Variants in PRKN observed in about 807,000 individuals in gnomAD.
PRKN encodes the protein parkin RBR E3 ubiquitin protein ligase.
A neutral mutation model predicts 59.5 loss-of-function variants in PRKN; 56 were observed. The observed-to-expected ratio is 0.94, with a 90% CI of 0.76 to 1.18. PRKN has a LOEUF of 1.18. Ranked by LOEUF, PRKN falls within the 50% of genes most tolerant of loss-of-function variation. The probability of loss-of-function intolerance (pLI) is 0.00; values close to 1 mark genes in which losing one functional copy is unlikely to be tolerated. For missense variants in PRKN, 657 were observed against 596.4 expected, an observed-to-expected ratio of 1.10 and a Z score of -1.06; for synonymous variants, 250 against 222.1, an observed-to-expected ratio of 1.13 and a Z score of -1.12.
intron 3 of PRKN, among the ~76,000 whole-genome samples, chr6:162,234,633 C>G (rs1053876301): frequency 2.0e-5 from 3 of 152,098 alleles, no homozygotes; most frequent in African/African-American, 7.2e-5. Context: ...AAGGTAAGAG[C>G]TGTGCTAATA....
chr6:162,150,277 G>A (rs1335248194), intron 4 of PRKN, among the ~76,000 whole-genome samples: 1 of 152,184 alleles, frequency 6.6e-6, no homozygotes, highest in East Asian at 1.9e-4. Context: ...ATGGACATAT[G>A]TATCCTAAGA....
chr6:162,254,785 G>A (rs954846742), intron 3 of PRKN, among the ~76,000 whole-genome samples: 1 of 151,994 alleles, frequency 6.6e-6, no homozygotes, highest in Non-Finnish European at 1.5e-5. Flanking sequence ...CACACTCATC[G>A]CCAAAGGGTC....
chr6:162,633,261 C>T (rs146167165), intron 1 of PRKN, among the ~76,000 whole-genome samples: 2,261 of 151,452 alleles, frequency 0.015, 38 homozygotes, highest in Middle Eastern at 0.024. Context: ...TGGTGAAACC[C>T]CATCTCTACT....
intron 7 of PRKN, among the ~76,000 whole-genome samples, chr6:161,598,276 T>C (rs930213108): frequency 1.3e-5 from 2 of 152,178 alleles, no homozygotes; most frequent in African/African-American, 4.8e-5. Context: ...TAGAAACAGA[T>C]GTATACACGA....
chr6:162,022,863 C>T (rs577236427), intron 5 of PRKN, among the ~76,000 whole-genome samples: 37 of 152,244 alleles, frequency 2.4e-4, no homozygotes, highest in African/African-American at 7.2e-4. Context: ...TCCAGTTTCA[C>T]TTATCTGCAT....
chr6:162,579,407 C>G (rs918669267), intron 1 of PRKN, among the ~76,000 whole-genome samples: 1 of 150,428 alleles, frequency 6.6e-6, no homozygotes, highest in Non-Finnish European at 1.5e-5. Context: ...CTACATGCAA[C>G]AAGTTCATGC....
At chr6:162,067,411 G>T (rs1309415212) in intron 4 of PRKN, among the ~76,000 whole-genome samples, 1 of 152,140 alleles carries the variant, frequency 6.6e-6, no homozygotes, top group Non-Finnish European at 1.5e-5. Context: ...TTACATACAT[G>T]AGGATGTTGA....
At position 162,518,468 on chromosome 6, in the gene PRKN, T is replaced by C. The variant is rs111881625; in HGVS notation, c.8-74995A>G. On this transcript the variant is annotated intron_variant, in intron 1 of 11. Coordinates refer to ENST00000366898, the MANE Select transcript of PRKN (RefSeq NM_004562.3). ...GCAACCTCTGCCTCCCAGGTTCAAG[T>C]GATTCTCGTGCCTCAGCCTCCTGAG... Among the ~76,000 whole-genome samples, 869 of 152,246 alleles carry C rather than the reference T, an allele frequency of 5.7e-3. 9 individuals carry two copies. The highest frequency in any genetic ancestry group is 8.4e-3 in the Non-Finnish European group (572 of 68,012).
intron 5 of PRKN, among the ~76,000 whole-genome samples, chr6:162,052,618 G>A (rs145138244): frequency 2.6e-5 from 4 of 152,236 alleles, no homozygotes; most frequent in Non-Finnish European, 5.9e-5. Flanking sequence ...ACTCATGACT[G>A]ACTACATTAA....
chr6:162,269,000 A>G (rs1377661767), intron 2 of PRKN, among the ~76,000 whole-genome samples: 4 of 116,524 alleles, frequency 3.4e-5, no homozygotes, highest in Non-Finnish European at 6.4e-5. Flanking sequence ...GAGGAAACAA[A>G]ACAAAACAAA....
intron 4 of PRKN, among the ~76,000 whole-genome samples, chr6:162,179,735 T>G (rs940136473): frequency 6.6e-6 from 1 of 152,140 alleles, no homozygotes; most frequent in African/African-American, 2.4e-5. Flanking sequence ...ACCACCTACT[T>G]AGTTCCCTAG....
At chr6:162,304,585 GTCTA>G (rs1362003459) in intron 2 of PRKN, among the ~76,000 whole-genome samples, 1 of 149,340 alleles carries the variant, frequency 6.7e-6, no homozygotes, top group East Asian at 1.9e-4. Context: ...CCATCTACCT[GTCTA>G]TCTATCTATA....
chr6:161,907,512 A>T (rs1368278628), intron 6 of PRKN, among the ~76,000 whole-genome samples: 1 of 152,180 alleles, frequency 6.6e-6, no homozygotes, highest in Admixed American at 6.5e-5. Flanking sequence ...ACATTTGCCA[A>T]GTTATTCTAA....
At chr6:162,653,026 C>T (rs1344176852) in intron 1 of PRKN, among the ~76,000 whole-genome samples, 2 of 152,112 alleles carry the variant, frequency 1.3e-5, no homozygotes, top group Admixed American at 1.3e-4. Flanking sequence ...AAAACCAAAA[C>T]CAAAAATCTA....
intron 3 of PRKN, among the ~76,000 whole-genome samples, chr6:162,255,778 T>G (rs1779617265): frequency 6.6e-6 from 1 of 152,186 alleles, no homozygotes; most frequent in South Asian, 2.1e-4. Flanking sequence ...TCAATGTCTG[T>G]CACCCTTTTT....
intron 1 of PRKN, among the ~76,000 whole-genome samples, chr6:162,494,732 T>C (rs994498412): frequency 1.3e-5 from 2 of 152,222 alleles, no homozygotes; most frequent in Non-Finnish European, 1.5e-5. Context: ...CAGTAAATAC[T>C]GTGTTATTAT....
chr6:162,541,581 G>A (rs577506959), intron 1 of PRKN, among the ~76,000 whole-genome samples: 2 of 152,280 alleles, frequency 1.3e-5, no homozygotes, highest in East Asian at 3.9e-4. Context: ...GTAGGTTTGA[G>A]GCCCAGGGAT....
At chr6:162,235,601 T>G (rs1260072757) in intron 3 of PRKN, among the ~76,000 whole-genome samples, 1 of 151,600 alleles carries the variant, frequency 6.6e-6, no homozygotes, top group Non-Finnish European at 1.5e-5. Flanking sequence ...AGGTCAGGAG[T>G]TCGAGACTAG....
At chr6:162,725,193 G>C (rs1032740628) in intron 1 of PRKN, among the ~76,000 whole-genome samples, 2 of 152,202 alleles carry the variant, frequency 1.3e-5, no homozygotes, top group African/African-American at 2.4e-5. Context: ...CCCGCAACAA[G>C]GTGAGTGTAA....
Sources: allele counts gnomAD v4.1 joint callset (sites outside exome capture counted in the v4.1 genomes callset), GRCh38; gene constraint gnomAD v4.1.1; transcripts MANE v1.5; gene names NCBI Gene and HGNC (gene_info 2026-07-23, HGNC 2026-07-21).